The following FYN variants were observed in gnomAD, a reference collection of about 807,000 sequenced individuals.
FYN encodes FYN proto-oncogene, Src family tyrosine kinase.
A neutral mutation model predicts 70.2 loss-of-function variants in FYN; 10 were observed. The ratio of observed to expected loss-of-function variants is 0.14; its 90% CI spans 0.09 to 0.24. FYN has a LOEUF of 0.24. Among genes scored for constraint, FYN ranks in the 10% least tolerant of loss-of-function variants. FYN has a pLI of 1.00. For synonymous variants in FYN, 236 were observed against 248.6 expected (o/e 0.95, Z 0.48); for missense variants, 319 against 673.1 (o/e 0.47, Z 5.82).
At chr6:111,837,334 C>CT (rs994069305) in intron 2 of FYN, among the ~76,000 whole-genome samples, 12 of 150,996 alleles carry the variant, frequency 7.9e-5, no homozygotes, top group South Asian at 2.1e-4. Flanking sequence ...TTCAGTTTTG[C>CT]TTTTTTTTTA....
At chr6:111,730,744 G>GC (rs1243243019) in intron 3 of FYN, among the ~76,000 whole-genome samples, 1 of 152,172 alleles carries the variant, frequency 6.6e-6, no homozygotes, top group Non-Finnish European at 1.5e-5. Flanking sequence ...AAAATTTTCA[G>GC]AAACACTAGG....
chr6:111,726,035 G>A (rs754279010), intron 3 of FYN, among the ~76,000 whole-genome samples: 10 of 152,188 alleles, frequency 6.6e-5, no homozygotes, highest in Non-Finnish European at 1.3e-4. Context: ...AGATGAAGGG[G>A]CTATGTGGCC....
chr6:111,699,820 C>G (rs1583326064), intron 9 of FYN: 2 of 770,746 alleles, frequency 2.6e-6, no homozygotes, highest in Non-Finnish European at 4.0e-6. Flanking sequence ...TTTATGGCAG[C>G]TGGAACATTC....
intron 2 of FYN, among the ~76,000 whole-genome samples, chr6:111,842,818 G>GT (rs531460996): frequency 9.9e-5 from 15 of 152,230 alleles, no homozygotes; most frequent in East Asian, 9.6e-4. Context: ...AATCTAGGAG[G>GT]TTTTTTATCA....
At chr6:111,831,179 T>C (rs1012977809) in intron 2 of FYN, among the ~76,000 whole-genome samples, 1 of 152,122 alleles carries the variant, frequency 6.6e-6, no homozygotes, top group Non-Finnish European at 1.5e-5. Context: ...TCCTCAACAC[T>C]TGATGGAAAG....
At chr6:111,662,712 G>A (rs774245244) in intron 13 of FYN, among the ~76,000 whole-genome samples, 11 of 152,196 alleles carry the variant, frequency 7.2e-5, no homozygotes, top group South Asian at 2.1e-4. Context: ...TCATAAATTC[G>A]TTTTCTTCAT....
intron 6 of FYN, among the ~76,000 whole-genome samples, chr6:111,706,664 A>G (rs1800106838): frequency 6.6e-6 from 1 of 152,220 alleles, no homozygotes; most frequent in Non-Finnish European, 1.5e-5. Context: ...TGCATATGTA[A>G]AACCGAAGGC....
intron 3 of FYN, among the ~76,000 whole-genome samples, chr6:111,763,397 CTTTACTATTTTTAAGG>C (rs970132373): frequency 3.9e-4 from 59 of 152,294 alleles, no homozygotes; most frequent in Non-Finnish European, 5.9e-4. Flanking sequence ...TTGGCTTACA[CTTTACTATTTTTAAGG>C]TTTACTATTT....
intron 9 of FYN, chr6:111,699,550 T>G: frequency 6.2e-7 from 1 of 1,614,128 alleles, no homozygotes; most frequent in Non-Finnish European, 8.5e-7. Context: ...CTGACCCAGC[T>G]TCTTCTCCAG....
rs138672226 is a variant in FYN at position 111,767,434 on chromosome 6, C to T, written c.-12+13132G>A. Among the ~76,000 whole-genome samples the T allele has an allele frequency of 2.2e-3, 342 of 152,284 alleles. 1 individual carries two copies. The highest frequency in any genetic ancestry group is 8.0e-3 in the African/African-American group (332 of 41,560). On this transcript the variant is annotated intron_variant, in intron 3 of 13. Coordinates refer to ENST00000354650, the MANE Select transcript of FYN (RefSeq NM_002037.5). ...TATTTTTCTTTTAGATGAAGTCTCG[C>T]TCTGTTGCCCAGGCTGGAGTGCAGT...
At chr6:111,686,361 C>T (rs1027819283) in intron 12 of FYN, among the ~76,000 whole-genome samples, 2 of 152,148 alleles carry the variant, frequency 1.3e-5, no homozygotes, top group Non-Finnish European at 2.9e-5. Context: ...TTCAGGCATG[C>T]GACTCAGCTC....
At chr6:111,739,905 CCT>C (rs1426757370) in intron 3 of FYN, among the ~76,000 whole-genome samples, 1 of 152,166 alleles carries the variant, frequency 6.6e-6, no homozygotes, top group East Asian at 1.9e-4. Context: ...CTCACGGCAA[CCT>C]CTGTCTCCTG....
chr6:111,841,091 A>G (rs901473014), intron 2 of FYN, among the ~76,000 whole-genome samples: 1 of 152,242 alleles, frequency 6.6e-6, no homozygotes, highest in Non-Finnish European at 1.5e-5. Flanking sequence ...GATGAAGAAT[A>G]TACGAAATGA....
At chr6:111,801,044 C>G (rs558116213) in intron 2 of FYN, among the ~76,000 whole-genome samples, 1 of 152,316 alleles carries the variant, frequency 6.6e-6, no homozygotes, top group African/African-American at 2.4e-5. Flanking sequence ...CCTCTGCCAA[C>G]AAATTACAAG....
chr6:111,772,201 G>A (rs1443858138), intron 3 of FYN, among the ~76,000 whole-genome samples: 1 of 152,130 alleles, frequency 6.6e-6, no homozygotes, highest in East Asian at 1.9e-4. Flanking sequence ...AAAAAAAAAT[G>A]TTTAGCCTAA....
chr6:111,848,705 C>T (rs1773600162), intron 1 of FYN, among the ~76,000 whole-genome samples: 1 of 152,142 alleles, frequency 6.6e-6, no homozygotes, highest in African/African-American at 2.4e-5. Flanking sequence ...AGGATGGACG[C>T]AAAATAGAAT....
chr6:111,797,814 G>C (rs1468706321), intron 2 of FYN, among the ~76,000 whole-genome samples: 1 of 151,704 alleles, frequency 6.6e-6, no homozygotes, highest in Non-Finnish European at 1.5e-5. Context: ...CGAGGCTGGA[G>C]TGCAGTGGCA....
intron 3 of FYN, among the ~76,000 whole-genome samples, chr6:111,750,075 A>C (rs752545770): frequency 6.6e-6 from 1 of 152,186 alleles, no homozygotes; most frequent in Non-Finnish European, 1.5e-5. Flanking sequence ...GTCCGTTTTG[A>C]AGTAGCTCCT....
intron 1 of FYN, among the ~76,000 whole-genome samples, chr6:111,871,322 C>G (rs997332054): frequency 3.3e-5 from 5 of 152,204 alleles, no homozygotes; most frequent in African/African-American, 1.2e-4. Context: ...CTCCAAAAGT[C>G]TGTGAGTCCC....
Sources: allele counts gnomAD v4.1 joint callset (sites outside exome capture counted in the v4.1 genomes callset), GRCh38; gene constraint gnomAD v4.1.1; transcripts MANE v1.5; gene names NCBI Gene and HGNC (gene_info 2026-07-23, HGNC 2026-07-21).